Variants in SKP2 observed in about 807,000 individuals in gnomAD.
The protein encoded by SKP2 is S-phase kinase associated protein 2.
In SKP2, 16 loss-of-function variants were observed where a neutral mutation model predicts 51.8. That is an observed-to-expected ratio of 0.31 (90% CI 0.21 to 0.47). The LOEUF is 0.47. SKP2 is among the 20% of genes least tolerant of loss of function. The pLI is 1.00. For missense variants in SKP2, 377 were observed against 505.3 expected, an observed-to-expected ratio of 0.75 and a Z score of 2.43; for synonymous variants, 176 against 198.6, an observed-to-expected ratio of 0.89 and a Z score of 0.96.
chr5:36,161,018 A>C (rs1471759885), intron 2 of SKP2, among the ~76,000 whole-genome samples: 1 of 152,108 alleles, frequency 6.6e-6, no homozygotes, highest in Non-Finnish European at 1.5e-5. Context: ...AAGAGAGGCC[A>C]CTTCCTCCAG....
chr5:36,159,547 T>G (rs1218604202), intron 2 of SKP2, among the ~76,000 whole-genome samples: 1 of 152,118 alleles, frequency 6.6e-6, no homozygotes, highest in Non-Finnish European at 1.5e-5. Context: ...GGGCTTTCTC[T>G]GGGCAGGAAT....
intron 5 of SKP2, 61 bp downstream of exon 5, chr5:36,168,508 T>C (rs1745366606): frequency 1.3e-6 from 2 of 1,496,138 alleles, no homozygotes; most frequent in African/African-American, 1.4e-5. Flanking sequence ...TTTTTTTCCC[T>C]GTATATAACT....
intron 2 of SKP2, among the ~76,000 whole-genome samples, chr5:36,154,748 C>T (rs1165345487): frequency 6.6e-6 from 1 of 152,066 alleles, no homozygotes; most frequent in Non-Finnish European, 1.5e-5. Flanking sequence ...ACCATCTTGC[C>T]CAGGCTGGTC....
downstream of SKP2, among the ~76,000 whole-genome samples, chr5:36,186,771 G>A (rs188428506): frequency 3.4e-3 from 513 of 152,218 alleles, 1 homozygote; most frequent in African/African-American, 0.012. Context: ...ATGAGTTAAG[G>A]AGGATTCCCT....
In SKP2 at chr5:36,183,368, G is replaced by T; in HGVS notation, c.*1337G>T. On this transcript the variant is annotated 3_prime_UTR_variant, in exon 10 of 10. Transcript: ENST00000274255. Reference sequence around the variant, plus strand: ...TGCAAGCTCCGCCTCCCAGGTTCACGTCATTCTCCTGCCTCAGCCTCCCGA... The same window carrying T: ...TGCAAGCTCCGCCTCCCAGGTTCACTTCATTCTCCTGCCTCAGCCTCCCGA... 3.8e-6 allele frequency: 1 copy of T among 260,814 alleles called. No homozygotes were observed. Among genetic ancestry groups the T allele is most frequent in the Non-Finnish European group, 5.9e-6 (1 of 168,378 alleles). 16.2% of individuals were successfully genotyped at this position (260,814 alleles called of 1,614,324 possible).
chr5:36,167,404 C>T (rs541976778), intron 4 of SKP2, among the ~76,000 whole-genome samples: 23 of 152,274 alleles, frequency 1.5e-4, no homozygotes, highest in African/African-American at 5.1e-4. Flanking sequence ...ACTCCAGGGT[C>T]GGTTCCTGGC....
At chr5:36,159,502 CT>C (rs2111958431) in intron 2 of SKP2, among the ~76,000 whole-genome samples, 1 of 152,330 alleles carries the variant, frequency 6.6e-6, no homozygotes, top group Non-Finnish European at 1.5e-5. Context: ...CATGCCAAAG[CT>C]TTTGCCTACG....
intron 8 of SKP2, 64 bp from the exon 9 acceptor site, chr5:36,177,121 T>G (rs1745659343): frequency 9.1e-6 from 12 of 1,316,958 alleles, no homozygotes; most frequent in Non-Finnish European, 1.3e-5. Flanking sequence ...GTAGGTTATT[T>G]CTGTCTTCTT....
At chr5:36,185,467 A>G (rs1366617635), downstream of SKP2, among the ~76,000 whole-genome samples, 7 of 152,244 alleles carry the variant, frequency 4.6e-5, no homozygotes, top group Non-Finnish European at 1.0e-4. Flanking sequence ...AGCTTTCTAC[A>G]TATGGCTAGC....
chr5:36,165,838 G>A (rs998433518), intron 3 of SKP2, among the ~76,000 whole-genome samples: 1 of 151,964 alleles, frequency 6.6e-6, no homozygotes, highest in African/African-American at 2.4e-5. Context: ...CCCTCTTACT[G>A]TGCTATTCAG....
At chr5:36,176,774 A>G (rs1360945276) in intron 7 of SKP2, among the ~76,000 whole-genome samples, 191 bp from the exon 8 acceptor site, 1 of 151,914 alleles carries the variant, frequency 6.6e-6, no homozygotes, top group African/African-American at 2.4e-5. Context: ...TCTTTTTCGG[A>G]TGATTCTCTT....
At chr5:36,181,672 G>C in intron 9 of SKP2, 146 bp from the exon 10 acceptor site, 1 of 775,228 alleles carries the variant, frequency 1.3e-6, no homozygotes, top group African/African-American at 1.7e-5. Context: ...AGTTTAATTT[G>C]CTATTTTCTC....
intron 2 of SKP2, among the ~76,000 whole-genome samples, chr5:36,158,948 G>A (rs772248142): frequency 1.3e-5 from 2 of 152,132 alleles, no homozygotes; most frequent in Non-Finnish European, 2.9e-5. Context: ...GCACATAGTC[G>A]TTAATTGGTT....
chr5:36,167,823 C>T (rs956472867), intron 4 of SKP2, among the ~76,000 whole-genome samples: 1 of 152,094 alleles, frequency 6.6e-6, no homozygotes, highest in African/African-American at 2.4e-5. Context: ...TTTCACCATG[C>T]TGGCCAGGCT....
intron 6 of SKP2, among the ~76,000 whole-genome samples, chr5:36,189,413 CCTTT>C (rs1745985096): frequency 6.6e-6 from 1 of 152,094 alleles, no homozygotes; most frequent in African/African-American, 2.4e-5. Context: ...GTGTGGATGT[CCTTT>C]CTGTTAGTGT....
rs757819241 is a variant in SKP2, at chr5:36,170,363, A to T, written c.691A>T (p.Asn231Tyr). Residue 231 changes from asparagine to tyrosine, a missense_variant, in exon 6 of 10, where the codon AAT (asparagine) becomes TAT (tyrosine). By Grantham distance (143) the Asn-to-Tyr change is moderately radical. This residue lies in a region of SKP2 where 262 missense variants were observed against 389.8 expected (regional missense o/e 0.67). Transcript: ENST00000274255. The part of the protein sequence containing the change: ...PIVNTLAKNS[N>Y]LVRLNLSGCS... ...TTCCAGTACTCTCGCAAAAAACTCA[A>T]ATTTAGTGCGACTTAACCTTTCTGG... 80 of 1,612,178 alleles carry T rather than the reference A, an allele frequency of 5.0e-5. No homozygotes were observed. Among genetic ancestry groups the T allele is most frequent in the Non-Finnish European group, 6.4e-5 (75 of 1,179,014 alleles).
intron 2 of SKP2, among the ~76,000 whole-genome samples, chr5:36,161,664 T>C (rs1009799442): frequency 6.6e-6 from 1 of 152,190 alleles, no homozygotes; most frequent in Non-Finnish European, 1.5e-5. Context: ...CACTGAAGGA[T>C]TCTAACTGGG....
At chr5:36,152,327 T>G (rs1744757796) in intron 1 of SKP2, 57 bp downstream of exon 1, 5 of 1,520,378 alleles carry the variant, frequency 3.3e-6, no homozygotes, top group Non-Finnish European at 4.6e-6. Flanking sequence ...ATAATTCTTT[T>G]AGGCCGCGAA....
intron 9 of SKP2, among the ~76,000 whole-genome samples, chr5:36,178,551 A>C (rs998656690): frequency 3.9e-5 from 6 of 152,068 alleles, no homozygotes; most frequent in East Asian, 3.9e-4. Flanking sequence ...GTTTAAATTC[A>C]TGCGCATGAA....
Sources: allele counts gnomAD v4.1 joint callset (sites outside exome capture counted in the v4.1 genomes callset), GRCh38; gene constraint gnomAD v4.1.1; regional missense constraint gnomAD v4.1.1; transcripts MANE v1.5; gene names NCBI Gene and HGNC (gene_info 2026-07-23, HGNC 2026-07-21).